The following IRF2 variants were observed in gnomAD, a reference collection of about 807,000 sequenced individuals.
The protein encoded by IRF2 is interferon regulatory factor 2.
IRF2 carries 15 observed loss-of-function variants against 40.6 expected under a neutral mutation model. The observed-to-expected ratio is 0.37, with a 90% CI of 0.25 to 0.57. The LOEUF is 0.57. Among genes scored for constraint, IRF2 ranks in the 20% least tolerant of loss-of-function variants. IRF2 has a pLI of 0.77. For missense variants in IRF2, 317 were observed against 455.7 expected (o/e 0.70, Z 2.77); for synonymous variants, 151 against 165.5 (o/e 0.91, Z 0.67).
intron 2 of IRF2, among the ~76,000 whole-genome samples, chr4:184,427,341 A>T (rs62339964): frequency 0.097 from 14,727 of 152,252 alleles, 781 homozygotes; most frequent in African/African-American, 0.13. Flanking sequence ...TCAGACAGAC[A>T]TATTCAACAC....
intron 7 of IRF2, among the ~76,000 whole-genome samples, chr4:184,398,666 A>AAAAT (rs1561084647): frequency 6.8e-5 from 10 of 147,026 alleles, no homozygotes; most frequent in Admixed American, 1.4e-4. Context: ...AAAAAAAAAA[A>AAAAT]AAATAAATAA....
At chr4:184,410,309 C>T (rs979173125) in intron 5 of IRF2, among the ~76,000 whole-genome samples, 3 of 152,234 alleles carry the variant, frequency 2.0e-5, no homozygotes, top group Non-Finnish European at 4.4e-5. Context: ...GAGCTAACTA[C>T]GTACATGGCA....
intron 1 of IRF2, among the ~76,000 whole-genome samples, chr4:184,451,701 C>T (rs1738720354): frequency 6.6e-6 from 1 of 152,208 alleles, no homozygotes; most frequent in South Asian, 2.1e-4. Context: ...CCTTCCCCAG[C>T]TGGCACTGGA....
At chr4:184,451,434 T>G (rs1329858090) in intron 1 of IRF2, among the ~76,000 whole-genome samples, 1 of 152,198 alleles carries the variant, frequency 6.6e-6, no homozygotes, top group Non-Finnish European at 1.5e-5. Flanking sequence ...AGCATTAAAC[T>G]CTATACATTA....
chr4:184,420,417 C>T (rs939428450), intron 2 of IRF2, among the ~76,000 whole-genome samples: 2 of 152,170 alleles, frequency 1.3e-5, no homozygotes, highest in Non-Finnish European at 2.9e-5. Flanking sequence ...AAGTAATGTT[C>T]GAATCCCTGT....
At chr4:184,447,291 A>C (rs1016922282) in intron 1 of IRF2, among the ~76,000 whole-genome samples, 2 of 152,240 alleles carry the variant, frequency 1.3e-5, no homozygotes, top group African/African-American at 4.8e-5. Context: ...AGACAATCTG[A>C]GCACCCAAAT....
chr4:184,406,693 G>T (rs1429955328), intron 6 of IRF2, among the ~76,000 whole-genome samples: 1 of 152,212 alleles, frequency 6.6e-6, no homozygotes, highest in Non-Finnish European at 1.5e-5. Flanking sequence ...TGGGGCCAGA[G>T]TCTGCCAACC....
Position 184,398,905 on chromosome 4 carries a change from T to G in IRF2, c.694+10A>C. On this transcript the variant is annotated intron_variant, in intron 7 of 8. Coordinates refer to ENST00000393593, the MANE Select transcript of IRF2 (RefSeq NM_002199.4). ...TCCCACGCCTCCCGGAGCCTCCCGC[T>G]GACGCTTACCTGCATAGGAAGACAC... The G allele has an allele frequency of 6.3e-7, 1 of 1,584,112 alleles. No individual in the cohort carries two copies. Among genetic ancestry groups the G allele is most frequent in the African/African-American group, 1.4e-5 (1 of 73,616 alleles).
intron 1 of IRF2, among the ~76,000 whole-genome samples, chr4:184,447,694 G>A (rs1738563492): frequency 6.6e-6 from 1 of 152,240 alleles, no homozygotes; most frequent in Non-Finnish European, 1.5e-5. Flanking sequence ...GATGCAAGAA[G>A]AAGAAAGTCT....
chr4:184,448,975 C>G lies in IRF2; in HGVS notation c.-6-19905G>C, dbSNP rs1484236720. 2.0e-5 allele frequency: 3 copies of G among 152,300 alleles called. No homozygotes were observed. Among genetic ancestry groups the G allele is most frequent in the African/African-American group, 7.2e-5 (3 of 41,436 alleles). The allele number at this position is 152,300 out of a possible 1,614,324, so 9.4% of individuals were successfully genotyped here. A position where few individuals can be genotyped will look rare whatever the true frequency, so the allele number is the denominator to read the frequency against. On this transcript the variant is annotated intron_variant, in intron 1 of 8. Transcript: ENST00000393593. The surrounding 1 kb of genome is among the most constrained non-coding windows in gnomAD (Gnocchi z 4.3). ...GTCAGTTCCACTTGCTCGTACTTGG[C>G]TGAACACTGCAGTTACTCCCCTGGC...
At chr4:184,429,378 C>T (rs1737789946) in intron 1 of IRF2, among the ~76,000 whole-genome samples, 1 of 152,204 alleles carries the variant, frequency 6.6e-6, no homozygotes, top group South Asian at 2.1e-4. Flanking sequence ...TTTATCCCCA[C>T]TGCACTGGCC....
intron 2 of IRF2, chr4:184,428,619 G>C: frequency 4.7e-6 from 2 of 424,084 alleles, no homozygotes; most frequent in East Asian, 7.0e-5. Flanking sequence ...GCAACATGGC[G>C]AGATCCCAGC....
At chr4:184,414,974 T>C (rs1053351984) in intron 5 of IRF2, among the ~76,000 whole-genome samples, 11 of 152,232 alleles carry the variant, frequency 7.2e-5, no homozygotes, top group African/African-American at 2.7e-4. Context: ...CTTGGGTGTT[T>C]TGATACACAA....
intron 2 of IRF2, among the ~76,000 whole-genome samples, chr4:184,426,214 C>T (rs181651094): frequency 6.6e-6 from 1 of 152,306 alleles, no homozygotes; most frequent in East Asian, 1.9e-4. Context: ...TGGAGTTTCA[C>T]CATGTTGGCC....
At chr4:184,403,706 T>A (rs1008156409) in intron 6 of IRF2, among the ~76,000 whole-genome samples, 1 of 152,232 alleles carries the variant, frequency 6.6e-6, no homozygotes, top group African/African-American at 2.4e-5. Context: ...AAGTCCAAAC[T>A]GAGTTACTGA....
chr4:184,419,570 T>C lies in IRF2; in HGVS notation c.88-2A>G. On this transcript the variant is annotated splice_acceptor_variant, in intron 2 of 8. Coordinates refer to ENST00000393593, the MANE Select transcript of IRF2 (RefSeq NM_002199.4). LOFTEE classifies it high-confidence loss of function. ...GGGGATCTGAAAAATCTTCTTTTCC[T>C]GAAAAAAAAAAAAAAAAAAAAGGTA... 1.2e-6 allele frequency: 1 copy of C among 820,038 alleles called. No individual in the cohort carries two copies. The highest frequency in any genetic ancestry group is 1.7e-6 in the Non-Finnish European group (1 of 573,456). The allele number at this position is 820,038 out of a possible 1,614,324, so 50.8% of individuals were successfully genotyped here. A position where few individuals can be genotyped will look rare whatever the true frequency, so the allele number is the denominator to read the frequency against.
Position 184,388,740 on chromosome 4 carries a change from C to T in IRF2, c.*18G>A, listed in dbSNP as rs923261450. 6 of 1,587,016 alleles carry T rather than the reference C, an allele frequency of 3.8e-6. No homozygotes were observed. The highest frequency in any genetic ancestry group is 4.5e-5 in the East Asian group (2 of 44,784). On this transcript the variant is annotated 3_prime_UTR_variant, in exon 9 of 9. Coordinates refer to ENST00000393593, the MANE Select transcript of IRF2 (RefSeq NM_002199.4). The surrounding 1 kb of genome is among the most constrained non-coding windows in gnomAD (Gnocchi z 4.6). ...CAAAGCCAAGAAGCCCCAACAACCA[C>T]CGCGGAGAGTCAGAGGCTTAACAGC...
chr4:184,417,303 T>A (rs1489119230), intron 5 of IRF2, among the ~76,000 whole-genome samples: 1 of 152,120 alleles, frequency 6.6e-6, no homozygotes, highest in African/African-American at 2.4e-5. Flanking sequence ...AGTACAATAT[T>A]TAAATTTAGT....
intron 8 of IRF2, among the ~76,000 whole-genome samples, chr4:184,389,997 G>A (rs1009817178): frequency 4.6e-5 from 7 of 152,236 alleles, no homozygotes; most frequent in East Asian, 1.9e-4. Flanking sequence ...GTATGGGAGC[G>A]TGTACATCTG....
Sources: gnomAD v4.1 joint callset for allele counts (sites outside exome capture counted in the v4.1 genomes callset) on GRCh38, gnomAD v4.1.1 for gene constraint, Gnocchi (gnomAD v3.1) non-coding constraint, MANE v1.5 for transcripts, NCBI Gene and HGNC (gene_info 2026-07-23, HGNC 2026-07-21) for gene names.